NOVA1: variants seen among roughly 807,000 people sequenced by gnomAD.
The protein encoded by NOVA1 is NOVA alternative splicing regulator 1, also known as RNA-binding protein Nova-1.
A neutral mutation model predicts 38.0 loss-of-function variants in NOVA1; 7 were observed. The ratio of observed to expected loss-of-function variants is 0.18; its 90% CI spans 0.10 to 0.35. The LOEUF (loss-of-function observed/expected upper bound fraction) is 0.35, where lower values mean the gene tolerates loss of function less well. Ranked by LOEUF, NOVA1 falls within the 10% of genes least tolerant of loss-of-function variation. NOVA1 has a pLI of 1.00. For synonymous variants in NOVA1, 270 were observed against 232.5 expected, an observed-to-expected ratio of 1.16 and a Z score of -1.47; for missense variants, 460 against 616.0, an observed-to-expected ratio of 0.75 and a Z score of 2.68.
At chr14:26,557,405 G>A (rs1370548652) in intron 2 of NOVA1, among the ~76,000 whole-genome samples, 1 of 152,032 alleles carries the variant, frequency 6.6e-6, no homozygotes, top group African/African-American at 2.4e-5. Context: ...GTCTCTCCTT[G>A]TTGCCCAGGC....
intron 2 of NOVA1, among the ~76,000 whole-genome samples, chr14:26,532,770 G>A (rs73601933): frequency 0.023 from 3,567 of 152,206 alleles, 137 homozygotes; most frequent in African/African-American, 0.081. Flanking sequence ...TCTTATGAAT[G>A]CCTGGAATAT....
chr14:26,471,059 G>C (rs1884546947), intron 4 of NOVA1, among the ~76,000 whole-genome samples: 1 of 149,908 alleles, frequency 6.7e-6, no homozygotes, highest in Admixed American at 6.7e-5. Context: ...TTCCTTCAAA[G>C]AGAAGTGTTG....
At chr14:26,571,611 G>A (rs944163386) in intron 2 of NOVA1, among the ~76,000 whole-genome samples, 1 of 152,188 alleles carries the variant, frequency 6.6e-6, no homozygotes, top group Non-Finnish European at 1.5e-5. Flanking sequence ...CTAGAACACA[G>A]AGGGCCTACA....
chr14:26,558,266 C>T (rs1429398794), intron 2 of NOVA1, among the ~76,000 whole-genome samples: 1 of 152,004 alleles, frequency 6.6e-6, no homozygotes, highest in Non-Finnish European at 1.5e-5. Context: ...AGAATATCTC[C>T]ATTTTGGCTC....
intron 2 of NOVA1, among the ~76,000 whole-genome samples, chr14:26,569,307 T>C (rs550978831): frequency 1.3e-5 from 2 of 152,334 alleles, no homozygotes; most frequent in Non-Finnish European, 2.9e-5. Flanking sequence ...TTAATGAACC[T>C]TGTAAAGTAT....
chr14:26,565,800 A>G (rs140245679), intron 2 of NOVA1, among the ~76,000 whole-genome samples: 70 of 152,290 alleles, frequency 4.6e-4, no homozygotes, highest in African/African-American at 1.7e-3. Flanking sequence ...TTAATCCTTG[A>G]TTAGTGCTGA....
chr14:26,446,957 C>G lies in NOVA1; in HGVS notation c.*1002G>C, dbSNP rs530268571. 1 of 152,756 alleles carries G rather than the reference C, an allele frequency of 6.5e-6. No individual in the cohort carries two copies. The highest frequency in any genetic ancestry group is 6.5e-5 in the Admixed American group (1 of 15,302). The allele number at this position is 152,756 out of a possible 1,614,324, so 9.5% of individuals were successfully genotyped here. On this transcript the variant is annotated 3_prime_UTR_variant, in exon 5 of 5. Transcript: ENST00000539517. ...GAGCAAACAGCTAAATCACAGATAGCTTCACAGTAAAATCTACATTCACAA... is the reference window on the plus strand; with the variant it reads ...GAGCAAACAGCTAAATCACAGATAGGTTCACAGTAAAATCTACATTCACAA...
At chr14:26,464,515 G>A (rs1224852880) in intron 4 of NOVA1, among the ~76,000 whole-genome samples, 2 of 152,076 alleles carry the variant, frequency 1.3e-5, no homozygotes, top group African/African-American at 4.8e-5. Context: ...ACCTTACTTG[G>A]ATCTATTTCA....
intron 2 of NOVA1, among the ~76,000 whole-genome samples, chr14:26,503,779 G>A (rs1334331665): frequency 6.6e-6 from 1 of 152,022 alleles, no homozygotes; most frequent in Admixed American, 6.6e-5. Context: ...GATTCATCAT[G>A]ATAAACCAAA....
At chr14:26,548,496 T>C (rs1890956445) in intron 2 of NOVA1, among the ~76,000 whole-genome samples, 2 of 152,082 alleles carry the variant, frequency 1.3e-5, no homozygotes, top group South Asian at 2.1e-4. Context: ...TTTCTTCACA[T>C]AGAACAGTCT....
intron 2 of NOVA1, among the ~76,000 whole-genome samples, chr14:26,486,971 TA>T (rs754637647): frequency 6.6e-6 from 1 of 152,088 alleles, no homozygotes; most frequent in Non-Finnish European, 1.5e-5. Flanking sequence ...ATTTATTTAA[TA>T]AAAATCACCC....
intron 4 of NOVA1, among the ~76,000 whole-genome samples, chr14:26,450,711 A>G (rs1882596257): frequency 6.6e-6 from 1 of 152,168 alleles, no homozygotes; most frequent in African/African-American, 2.4e-5. Context: ...TTACAATTAG[A>G]AAGTTAAACT....
chr14:26,567,939 T>A (rs1407735017), intron 2 of NOVA1, among the ~76,000 whole-genome samples: 1 of 152,188 alleles, frequency 6.6e-6, no homozygotes, highest in Admixed American at 6.5e-5. Context: ...ATTTAAAACA[T>A]CTGAAGAGTT....
intron 2 of NOVA1, among the ~76,000 whole-genome samples, chr14:26,503,526 C>A (rs977518228): frequency 2.0e-5 from 3 of 152,026 alleles, no homozygotes; most frequent in Admixed American, 6.6e-5. Context: ...GGAATGGATA[C>A]TCTAGTACAA....
chr14:26,508,005 TA>T (rs1006445564), intron 2 of NOVA1, among the ~76,000 whole-genome samples: 15 of 152,108 alleles, frequency 9.9e-5, no homozygotes, highest in Admixed American at 8.5e-4. Context: ...AAGCTTCTAG[TA>T]AAAAAAGTGA....
chr14:26,587,210 T>C (rs908002938), intron 2 of NOVA1, among the ~76,000 whole-genome samples: 1 of 150,614 alleles, frequency 6.6e-6, no homozygotes, highest in South Asian at 2.1e-4. Context: ...CTTTGATCTA[T>C]TTCCACAACT....
intron 4 of NOVA1, among the ~76,000 whole-genome samples, chr14:26,457,098 CTT>C (rs1412033135): frequency 4.6e-5 from 7 of 151,894 alleles, no homozygotes; most frequent in African/African-American, 7.3e-5. Context: ...ACCATATACA[CTT>C]TGTCTTATTT....
At chr14:26,454,103 A>C (rs573185711) in intron 4 of NOVA1, among the ~76,000 whole-genome samples, 1 of 152,302 alleles carries the variant, frequency 6.6e-6, no homozygotes, top group South Asian at 2.1e-4. Flanking sequence ...CCACACTGGA[A>C]GAATTGTCTC....
chr14:26,484,427 CGAA>C (rs1276369655), intron 2 of NOVA1, among the ~76,000 whole-genome samples: 6 of 51,202 alleles, frequency 1.2e-4, no homozygotes, highest in Non-Finnish European at 1.9e-4. Flanking sequence ...GACTCCGTCT[CGAA>C]AAAAAAAAAA....
Sources: allele counts gnomAD v4.1 joint callset (sites outside exome capture counted in the v4.1 genomes callset), GRCh38; gene constraint gnomAD v4.1.1; transcripts MANE v1.5; gene names NCBI Gene and HGNC (gene_info 2026-07-23, HGNC 2026-07-21).